NWD2: variants seen among roughly 807,000 people sequenced by gnomAD.
NWD2 encodes NACHT and WD repeat domain containing 2, also known as NACHT and WD repeat domain-containing protein 2.
Under a neutral mutation model 132.7 loss-of-function variants are expected in NWD2, and 37 were observed. That is an observed-to-expected ratio of 0.28 (90% CI 0.21 to 0.37). The LOEUF is 0.37. Ranked by LOEUF, NWD2 falls within the 10% of genes least tolerant of loss-of-function variation. NWD2 has a pLI of 1.00. For missense variants in NWD2, 1,592 were observed against 2,122.4 expected (o/e 0.75, Z 4.91); for synonymous variants, 705 against 803.0 (o/e 0.88, Z 2.06).
rs552275348 is a variant in NWD2, at chr4:37,392,514, A to C, written c.357+36032A>C. ...TGCCAATACTAACCCCTCTGCCCCCACCCCAGATTGTGACAGCCCAAAATG... is the reference window on the plus strand; with the variant it reads ...TGCCAATACTAACCCCTCTGCCCCCCCCCCAGATTGTGACAGCCCAAAATG... On this transcript the variant is annotated intron_variant, in intron 3 of 6. Coordinates refer to ENST00000309447, the MANE Select transcript of NWD2 (RefSeq NM_001144990.2). 1.4e-4 allele frequency among the ~76,000 whole-genome samples: 22 copies of C among 152,172 alleles called. 1 individual carries two copies. The South Asian group carries it at 4.6e-3, about 32-fold the overall frequency.
chr4:37,367,287 A>G (rs946998272), intron 3 of NWD2, among the ~76,000 whole-genome samples: 1 of 152,200 alleles, frequency 6.6e-6, no homozygotes, highest in African/African-American at 2.4e-5. Flanking sequence ...GAACTGCACT[A>G]ACATGAAAAC....
chr4:37,416,477 A>C (rs574051771), intron 3 of NWD2, among the ~76,000 whole-genome samples: 3 of 152,140 alleles, frequency 2.0e-5, no homozygotes, highest in Non-Finnish European at 4.4e-5. Flanking sequence ...GGATGTGGTG[A>C]AAAGGGAACA....
intron 3 of NWD2, among the ~76,000 whole-genome samples, chr4:37,400,149 T>C (rs563388135): frequency 6.6e-6 from 1 of 152,322 alleles, no homozygotes; most frequent in East Asian, 1.9e-4. Flanking sequence ...TTAAAATCCC[T>C]TACCATTAGT....
At chr4:37,299,544 C>G (rs1718568120) in intron 1 of NWD2, among the ~76,000 whole-genome samples, 1 of 152,114 alleles carries the variant, frequency 6.6e-6, no homozygotes, top group African/African-American at 2.4e-5. Flanking sequence ...TTTCTGTTTT[C>G]TACAGGTATC....
chr4:37,387,795 C>T (rs1720595580), intron 3 of NWD2, among the ~76,000 whole-genome samples: 1 of 150,896 alleles, frequency 6.6e-6, no homozygotes, highest in Non-Finnish European at 1.5e-5. Flanking sequence ...CCGCCTCAGC[C>T]TACTGAGTAG....
chr4:37,447,207 CT>C lies in NWD2; in HGVS notation c.5220del (p.Asp1741IlefsTer9). On this transcript the variant is annotated frameshift_variant, in exon 7 of 7. Coordinates refer to ENST00000309447, the MANE Select transcript of NWD2 (RefSeq NM_001144990.2). LOFTEE classifies it high-confidence loss of function. Reference protein sequence around the residue: ...ALEARGHSYAPDN With the variant: ...ALEARGHSYAXDN ...GAAGCCAGGGGCCACAGCTATGCCC[CT>C]GATAACTGACAAAATGTTTTCCAGC... 6.5e-7 allele frequency: 1 copy of C among 1,543,822 alleles called. No homozygotes were observed. The highest frequency in any genetic ancestry group is 8.8e-7 in the Non-Finnish European group (1 of 1,142,414).
At chr4:37,426,402 A>T (rs557140896) in intron 3 of NWD2, among the ~76,000 whole-genome samples, 15 of 152,336 alleles carry the variant, frequency 9.8e-5, no homozygotes, top group African/African-American at 3.4e-4. Flanking sequence ...TTACCACTTT[A>T]TATATAGTAG....
intron 3 of NWD2, among the ~76,000 whole-genome samples, chr4:37,386,240 C>A (rs1720562539): frequency 6.6e-6 from 1 of 151,080 alleles, no homozygotes. Flanking sequence ...AAAAGCAATC[C>A]TAAGTGTGTA....
intron 3 of NWD2, among the ~76,000 whole-genome samples, chr4:37,379,710 GT>G (rs1720415948): frequency 6.6e-6 from 1 of 152,104 alleles, no homozygotes; most frequent in Non-Finnish European, 1.5e-5. Flanking sequence ...TTTTGTTTTT[GT>G]TTTGCCAAGG....
intron 3 of NWD2, among the ~76,000 whole-genome samples, chr4:37,378,422 A>G (rs1720390391): frequency 6.6e-6 from 1 of 152,254 alleles, no homozygotes; most frequent in South Asian, 2.1e-4. Context: ...ACATTGTGAC[A>G]GGGTGTCAGT....
At chr4:37,356,664 TA>T (rs1719877227) in intron 3 of NWD2, among the ~76,000 whole-genome samples, 182 bp downstream of exon 3, 1 of 152,212 alleles carries the variant, frequency 6.6e-6, no homozygotes, top group Admixed American at 6.5e-5. Context: ...CAACTTTCCA[TA>T]AGAAGTGCTG....
At chr4:37,297,986 T>A (rs1487184920) in intron 1 of NWD2, among the ~76,000 whole-genome samples, 1 of 152,106 alleles carries the variant, frequency 6.6e-6, no homozygotes, top group Non-Finnish European at 1.5e-5. Context: ...AACAAAGATG[T>A]TTCTTGGCCA....
rs1022281116 is a variant in NWD2 at position 37,262,728 on chromosome 4, G to T, written c.151+17510G>T. On this transcript the variant is annotated intron_variant, in intron 1 of 6. Transcript: ENST00000309447. ...TCTATAGAGGAGCACGTGGCAAAGT[G>T]GTCCAACCCTTGAGAATAAGATTCA... Among the ~76,000 whole-genome samples the T allele has an allele frequency of 5.3e-5, 8 of 152,206 alleles. No homozygotes were observed. In the South Asian group the frequency reaches 8.3e-4, roughly 16 times the overall value.
In NWD2 at chr4:37,271,920, A is replaced by AT. The variant is rs1173144070; in HGVS notation, c.151+26703dup. Among the ~76,000 whole-genome samples, 4 of 151,898 alleles carry AT rather than the reference A, an allele frequency of 2.6e-5. No homozygotes were observed. The East Asian group carries it at 7.7e-4, about 29-fold the overall frequency. ...CCAGTTCAGTATTTTACTCTAAGAA[A>AT]TCATGTTAACTGTAGGTTTTTTGTA... On this transcript the variant is annotated intron_variant, in intron 1 of 6. Coordinates refer to ENST00000309447, the MANE Select transcript of NWD2 (RefSeq NM_001144990.2).
At chr4:37,350,019 G>T (rs1234271479) in intron 2 of NWD2, among the ~76,000 whole-genome samples, 1 of 152,048 alleles carries the variant, frequency 6.6e-6, no homozygotes, top group East Asian at 1.9e-4. Flanking sequence ...TATTTCTGAG[G>T]CCTCTTTCCT....
intron 3 of NWD2, among the ~76,000 whole-genome samples, chr4:37,387,811 A>G (rs2109310688): frequency 6.7e-6 from 1 of 149,498 alleles, no homozygotes; most frequent in South Asian, 2.1e-4. Context: ...AGTAGGTGGG[A>G]TTACAGGCAC....
chr4:37,249,777 A>C (rs1432018836), intron 1 of NWD2, among the ~76,000 whole-genome samples: 1 of 152,192 alleles, frequency 6.6e-6, no homozygotes, highest in Non-Finnish European at 1.5e-5. Flanking sequence ...TCTTGTCCAC[A>C]GTGTTGATCA....
chr4:37,430,475 T>C (rs1314924592), intron 3 of NWD2, 97 bp from the exon 4 acceptor site: 2 of 837,098 alleles, frequency 2.4e-6, no homozygotes, highest in Non-Finnish European at 3.8e-6. Flanking sequence ...TATCTTGTTA[T>C]CTATTGATTA....
chr4:37,439,458 A>G lies in NWD2; in HGVS notation c.1296+68A>G, dbSNP rs1348568603. On this transcript the variant is annotated intron_variant, in intron 6 of 6. Transcript: ENST00000309447. This position sits in a 1 kb window ranked among gnomAD's most constrained non-coding sequence, Gnocchi z 4.5. The stretch of plus-strand genomic sequence containing the variant: ...ACTTTTGGAAAATGGTAAATTAATC[A>G]AATTCATTTCTACTTTCTGAGTTTA... The G allele has an allele frequency of 1.9e-6, 2 of 1,067,758 alleles. No homozygotes were observed. Among genetic ancestry groups the G allele is most frequent in the Non-Finnish European group, 2.6e-6 (2 of 769,782 alleles). The allele number at this position is 1,067,758 out of a possible 1,614,324, so 66.1% of individuals were successfully genotyped here.
Sources: gnomAD v4.1 joint callset for allele counts (sites outside exome capture counted in the v4.1 genomes callset) on GRCh38, gnomAD v4.1.1 for gene constraint, Gnocchi (gnomAD v3.1) non-coding constraint, MANE v1.5 for transcripts, NCBI Gene and HGNC (gene_info 2026-07-23, HGNC 2026-07-21) for gene names.